SORD: variants seen among roughly 807,000 people sequenced by gnomAD.
SORD encodes the protein (R,R)-butanediol dehydrogenase.
In SORD, 18 loss-of-function variants were observed where a neutral mutation model predicts 35.6. The observed-to-expected ratio is 0.51, with a 90% CI of 0.35 to 0.75. The LOEUF (loss-of-function observed/expected upper bound fraction) is 0.75, where lower values mean the gene tolerates loss of function less well. SORD is among the 30% of genes least tolerant of loss of function. SORD has a pLI of 0.01. For missense variants in SORD, 250 were observed against 390.2 expected (o/e 0.64, Z 3.03); for synonymous variants, 106 against 152.9 (o/e 0.69, Z 2.26).
intron 1 of SORD, among the ~76,000 whole-genome samples, chr15:45,028,850 A>G (rs1433349613): frequency 4.4e-5 from 6 of 135,322 alleles, no homozygotes; most frequent in African/African-American, 1.3e-4. Context: ...CAAAATGTCT[A>G]TACTTTACTG....
intron 3 of SORD, among the ~76,000 whole-genome samples, chr15:45,049,298 A>C (rs946891221): frequency 3.3e-5 from 5 of 152,042 alleles, no homozygotes; most frequent in African/African-American, 9.6e-5. Context: ...TAGGGCGATA[A>C]TCTCTCTGGC....
At chr15:45,068,349 A>T in intron 6 of SORD, 103 bp downstream of exon 6, 2 of 826,774 alleles carry the variant, frequency 2.4e-6, no homozygotes, top group Non-Finnish European at 4.2e-6. Context: ...GGAGGGGGTG[A>T]GTGTGTAGTG....
At chr15:45,067,350 ACT>A (rs1893423973) in intron 5 of SORD, among the ~76,000 whole-genome samples, 1 of 152,136 alleles carries the variant, frequency 6.6e-6, no homozygotes, top group Non-Finnish European at 1.5e-5. Context: ...ACAGAGCGAG[ACT>A]CTGTCTCAAA....
At chr15:45,063,602 G>A (rs559600831) in intron 4 of SORD, among the ~76,000 whole-genome samples, 1 of 152,268 alleles carries the variant, frequency 6.6e-6, no homozygotes, top group Admixed American at 6.5e-5. Flanking sequence ...GGCAGCATCT[G>A]CTTAATCAGT....
At chr15:45,028,704 A>T (rs184884969) in intron 1 of SORD, among the ~76,000 whole-genome samples, 1 of 152,372 alleles carries the variant, frequency 6.6e-6, no homozygotes, top group African/African-American at 2.4e-5. Flanking sequence ...GTCCATGAAG[A>T]TATTTCTTGA....
intron 1 of SORD, among the ~76,000 whole-genome samples, chr15:45,034,076 G>T (rs1595495976): frequency 6.6e-6 from 1 of 152,022 alleles, no homozygotes; most frequent in African/African-American, 2.4e-5. Flanking sequence ...AAAAGGACAA[G>T]ATTGTCCAGG....
chr15:45,073,521 G>A lies in SORD; in HGVS notation c.1065G>A (p.Gln355=). The A allele has an allele frequency of 6.3e-7, 1 of 1,584,900 alleles. No individual in the cohort carries two copies. The highest frequency in any genetic ancestry group is 8.5e-7 in the Non-Finnish European group (1 of 1,170,726). ...TGCTCAAGTGTGACCCCAGTGACCA[G>A]AATCCCTGATGTTAATGGGCTCTGC... is the stretch of plus-strand genomic sequence containing the variant. The part of the protein sequence containing the change: ...KIMLKCDPSD[Q]NP The change falls in exon 9 of 9, where the codon CAG becomes CAA. Residue 355 remains glutamine (Q), a synonymous_variant. Coordinates refer to ENST00000267814, the MANE Select transcript of SORD (RefSeq NM_003104.6).
chr15:45,054,860 A>G (rs914371221), intron 3 of SORD, among the ~76,000 whole-genome samples: 192 of 151,320 alleles, frequency 1.3e-3, no homozygotes, highest in African/African-American at 4.3e-3. Flanking sequence ...AGCTTTCTAC[A>G]TATGGCTAGC....
intron 5 of SORD, among the ~76,000 whole-genome samples, chr15:45,067,128 G>A (rs563744225): frequency 7.9e-5 from 12 of 152,270 alleles, no homozygotes; most frequent in Non-Finnish European, 1.5e-4. Flanking sequence ...TTGGGAGGCT[G>A]AAGCAGTCGG....
At chr15:45,051,721 C>G (rs1893126821) in intron 3 of SORD, among the ~76,000 whole-genome samples, 1 of 152,066 alleles carries the variant, frequency 6.6e-6, no homozygotes, top group Non-Finnish European at 1.5e-5. Context: ...AATGTCAACC[C>G]CAACTTTTTT....
chr15:45,059,719 T>A (rs1893272291), intron 3 of SORD, among the ~76,000 whole-genome samples: 1 of 152,126 alleles, frequency 6.6e-6, no homozygotes, highest in African/African-American at 2.4e-5. Flanking sequence ...AACTCCTGGG[T>A]TCAAGTGATC....
At chr15:45,048,197 C>T (rs1893074453) in intron 3 of SORD, among the ~76,000 whole-genome samples, 1 of 152,180 alleles carries the variant, frequency 6.6e-6, no homozygotes, top group Admixed American at 6.5e-5. Flanking sequence ...TTTTACTTGT[C>T]ACATTCCAGG....
At chr15:45,026,902 G>T (rs1183203320) in intron 1 of SORD, among the ~76,000 whole-genome samples, 1 of 152,178 alleles carries the variant, frequency 6.6e-6, no homozygotes, top group Admixed American at 6.5e-5. Flanking sequence ...CCTTTAACTG[G>T]CAGGAAGGAA....
intron 1 of SORD, among the ~76,000 whole-genome samples, chr15:45,036,509 T>C (rs1892869227): frequency 1.3e-5 from 2 of 152,056 alleles, no homozygotes; most frequent in South Asian, 2.1e-4. Context: ...CTGGCCAACA[T>C]GGTGAAACTC....
intron 7 of SORD, among the ~76,000 whole-genome samples, chr15:45,069,439 T>C (rs1212763785): frequency 6.6e-6 from 1 of 152,038 alleles, no homozygotes; most frequent in East Asian, 1.9e-4. Context: ...CGCCATCTCC[T>C]GACCTCATGA....
intron 3 of SORD, among the ~76,000 whole-genome samples, chr15:45,044,809 T>G (rs2141271642): frequency 6.6e-6 from 1 of 152,042 alleles, no homozygotes; most frequent in South Asian, 2.1e-4. Flanking sequence ...GTGATTCCCG[T>G]GCCTCAGCCT....
In SORD at chr15:45,061,054, T is replaced by C. The variant is rs1444130366; in HGVS notation, c.266-13T>C. On this transcript the variant is annotated splice_polypyrimidine_tract_variant and intron_variant, in intron 3 of 8. Coordinates refer to ENST00000267814, the MANE Select transcript of SORD (RefSeq NM_003104.6). ...ACCCTCGGACATGGTGCCATCTTTG[T>C]TTTCCTCTCCAGGTGATCGTGTTGC... is the stretch of plus-strand genomic sequence containing the variant. The C allele has an allele frequency of 5.6e-6, 9 of 1,613,870 alleles. No individual in the cohort carries two copies. The highest frequency in any genetic ancestry group is 6.8e-6 in the Non-Finnish European group (8 of 1,179,950).
chr15:45,069,788 C>A (rs1343520141), intron 7 of SORD: 1 of 152,102 alleles, frequency 6.6e-6, no homozygotes, highest in East Asian at 1.9e-4. Context: ...AAATAACAGT[C>A]ATTTAGTTAG....
chr15:45,027,440 A>G (rs1892693276), intron 1 of SORD, among the ~76,000 whole-genome samples: 1 of 152,250 alleles, frequency 6.6e-6, no homozygotes. Context: ...GATTCAGTGG[A>G]ACCAATTGTG....
Sources: gnomAD v4.1 joint callset for allele counts (sites outside exome capture counted in the v4.1 genomes callset) on GRCh38, gnomAD v4.1.1 for gene constraint, MANE v1.5 for transcripts, NCBI Gene and HGNC (gene_info 2026-07-23, HGNC 2026-07-21) for gene names.